NRXN3: variants seen among roughly 807,000 people sequenced by gnomAD.
NRXN3 encodes the protein neurexin 3.
Under a neutral mutation model 137.6 loss-of-function variants are expected in NRXN3, and 32 were observed. The ratio of observed to expected loss-of-function variants is 0.23; its 90% CI spans 0.18 to 0.31. The LOEUF is 0.31. Ranked by LOEUF, NRXN3 falls within the 10% of genes least tolerant of loss-of-function variation. The probability of loss-of-function intolerance (pLI) is 1.00; values close to 1 mark genes in which losing one functional copy is unlikely to be tolerated. For synonymous variants in NRXN3, 798 were observed against 784.5 expected, an observed-to-expected ratio of 1.02 and a Z score of -0.29; for missense variants, 1,574 against 2,062.5, an observed-to-expected ratio of 0.76 and a Z score of 4.59.
At chr14:79,110,506 C>T (rs1157618735) in intron 15 of NRXN3, among the ~76,000 whole-genome samples, 1 of 152,116 alleles carries the variant, frequency 6.6e-6, no homozygotes. Flanking sequence ...TTGCTTTGTT[C>T]CAAAAGCTTA....
chr14:78,284,406 T>A (rs2074878364), intron 3 of NRXN3, among the ~76,000 whole-genome samples: 1 of 152,132 alleles, frequency 6.6e-6, no homozygotes. Flanking sequence ...GTCTCCCTAA[T>A]ATATATAAAA....
chr14:79,550,352 C>G (rs2097362347), intron 16 of NRXN3, among the ~76,000 whole-genome samples: 1 of 152,110 alleles, frequency 6.6e-6, no homozygotes, highest in Non-Finnish European at 1.5e-5. Context: ...CCAGGAGTTC[C>G]ATTTCATTCT....
chr14:79,344,478 T>C (rs1238478312), intron 15 of NRXN3, among the ~76,000 whole-genome samples: 1 of 152,138 alleles, frequency 6.6e-6, no homozygotes, highest in Non-Finnish European at 1.5e-5. Flanking sequence ...ATTCCCTTAA[T>C]CGATTAAAGA....
intron 15 of NRXN3, among the ~76,000 whole-genome samples, chr14:79,019,862 G>A (rs2099585764): frequency 6.6e-6 from 1 of 152,088 alleles, no homozygotes; most frequent in Middle Eastern, 3.2e-3. Flanking sequence ...GGGAAACCAA[G>A]ACAGGACTGT....
intron 4 of NRXN3, among the ~76,000 whole-genome samples, chr14:78,478,948 A>C (rs1007027889): frequency 6.6e-6 from 1 of 152,172 alleles, no homozygotes; most frequent in African/African-American, 2.4e-5. Context: ...CTCTATGCAG[A>C]GATGTGTTAG....
At chr14:79,156,924 C>A (rs765666683) in intron 15 of NRXN3, among the ~76,000 whole-genome samples, 7 of 151,772 alleles carry the variant, frequency 4.6e-5, no homozygotes. Context: ...TGTATAGCAG[C>A]ATTCTTGGGC....
chr14:79,506,949 A>C (rs1022810102), intron 16 of NRXN3, among the ~76,000 whole-genome samples: 11 of 152,130 alleles, frequency 7.2e-5, no homozygotes, highest in Admixed American at 1.3e-4. Context: ...CTCTTCTTTG[A>C]AACTCCAAAA....
intron 19 of NRXN3, among the ~76,000 whole-genome samples, chr14:79,709,627 A>C (rs2098795289): frequency 6.6e-6 from 1 of 152,142 alleles, no homozygotes; most frequent in Non-Finnish European, 1.5e-5. Flanking sequence ...TAAATGTATA[A>C]AATGACAGAT....
intron 15 of NRXN3, among the ~76,000 whole-genome samples, chr14:79,257,514 ATGG>A (rs2076888126): frequency 1.0e-4 from 1 of 9,540 alleles, no homozygotes; most frequent in Non-Finnish European, 1.8e-4. Context: ...GGTGGTAGTG[ATGG>A]TGGTGGTGGT....
At chr14:78,954,877 A>C (rs8007461) in intron 10 of NRXN3, among the ~76,000 whole-genome samples, 5 of 151,542 alleles carry the variant, frequency 3.3e-5, no homozygotes, top group African/African-American at 1.2e-4. Context: ...ACCACTGTGA[A>C]TATCTCAAGG....
rs188033846 is a variant in NRXN3 at position 78,674,421 on chromosome 14, A to C, written c.1221+23095A>C. 7.9e-5 allele frequency among the ~76,000 whole-genome samples: 12 copies of C among 152,360 alleles called. 1 individual carries two copies. In the East Asian group the frequency reaches 2.3e-3, roughly 29 times the overall value. ...TGAAATTTTTAACAAAATTTTTAAT[A>C]AAATTGAGAGATCCTTGGCATCTCA... On this transcript the variant is annotated intron_variant, in intron 6 of 20. Coordinates refer to ENST00000335750, the MANE Select transcript of NRXN3 (RefSeq NM_001330195.2).
intron 4 of NRXN3, among the ~76,000 whole-genome samples, chr14:78,303,118 G>A (rs2077034640): frequency 1.3e-5 from 2 of 152,150 alleles, no homozygotes; most frequent in Non-Finnish European, 2.9e-5. Context: ...CTCCAGCCAA[G>A]TGGAATACCA....
chr14:78,668,212 T>C (rs937465176), intron 6 of NRXN3, among the ~76,000 whole-genome samples: 12 of 152,240 alleles, frequency 7.9e-5, no homozygotes, highest in African/African-American at 2.9e-4. Flanking sequence ...TGATCACCAG[T>C]GTCCCATTGA....
chr14:79,838,949 G>A (rs926272324), intron 20 of NRXN3, among the ~76,000 whole-genome samples: 4 of 152,178 alleles, frequency 2.6e-5, no homozygotes, highest in African/African-American at 9.7e-5. Context: ...GCTTAAAGAT[G>A]TATTGGTTTT....
intron 15 of NRXN3, among the ~76,000 whole-genome samples, chr14:79,454,115 C>T (rs1354135664): frequency 7.2e-5 from 11 of 151,784 alleles, no homozygotes; most frequent in Non-Finnish European, 1.6e-4. Context: ...GACAGAGTCT[C>T]GCTCTGTCAC....
intron 1 of NRXN3, among the ~76,000 whole-genome samples, chr14:78,171,753 T>A (rs1308961029): frequency 6.8e-6 from 1 of 146,250 alleles, no homozygotes; most frequent in Admixed American, 7.1e-5. Flanking sequence ...AAAAATAAAA[T>A]TTTCCCTTCC....
chr14:78,926,497 T>G (rs1308457601), intron 10 of NRXN3, among the ~76,000 whole-genome samples: 1 of 147,014 alleles, frequency 6.8e-6, no homozygotes, highest in Non-Finnish European at 1.5e-5. Context: ...TGCCAGCACT[T>G]TGAGAGGCCA....
At chr14:79,546,020 G>A (rs2097316005) in intron 16 of NRXN3, among the ~76,000 whole-genome samples, 1 of 152,036 alleles carries the variant, frequency 6.6e-6, no homozygotes. Context: ...TTATTATAAG[G>A]GGGAGCTTCT....
At chr14:78,428,401 A>C (rs1419228470) in intron 4 of NRXN3, among the ~76,000 whole-genome samples, 1 of 152,108 alleles carries the variant, frequency 6.6e-6, no homozygotes, top group Non-Finnish European at 1.5e-5. Context: ...TCCTAACCCC[A>C]ACCTAGACTA....
Sources: allele counts gnomAD v4.1 joint callset (sites outside exome capture counted in the v4.1 genomes callset), GRCh38; gene constraint gnomAD v4.1.1; transcripts MANE v1.5; gene names NCBI Gene and HGNC (gene_info 2026-07-23, HGNC 2026-07-21).